DCLK1: variants seen among roughly 807,000 people sequenced by gnomAD.
The protein encoded by DCLK1 is doublecortin like kinase 1.
Under a neutral mutation model 86.2 loss-of-function variants are expected in DCLK1, and 16 were observed. The observed-to-expected ratio is 0.19, with a 90% CI of 0.13 to 0.28. The LOEUF (loss-of-function observed/expected upper bound fraction) is 0.28, where lower values mean the gene tolerates loss of function less well. DCLK1 is among the 10% of genes least tolerant of loss of function. DCLK1 has a pLI of 1.00. For missense variants in DCLK1, 590 were observed against 940.2 expected, an observed-to-expected ratio of 0.63 and a Z score of 4.87; for synonymous variants, 369 against 370.5, an observed-to-expected ratio of 1.00 and a Z score of 0.05.
chr13:35,966,504 C>T (rs1878741555), intron 3 of DCLK1, among the ~76,000 whole-genome samples: 1 of 127,028 alleles, frequency 7.9e-6, no homozygotes, highest in Admixed American at 8.2e-5. Flanking sequence ...CCCTCCCCCT[C>T]CCCCTCCCCC....
At chr13:35,922,409 G>A (rs1333153272) in intron 4 of DCLK1, among the ~76,000 whole-genome samples, 1 of 152,232 alleles carries the variant, frequency 6.6e-6, no homozygotes, top group African/African-American at 2.4e-5. Context: ...TCAGAGCTAC[G>A]CATGCAGCAG....
chr13:35,859,536 G>T (rs1185736969), intron 5 of DCLK1, among the ~76,000 whole-genome samples: 2 of 151,986 alleles, frequency 1.3e-5, no homozygotes, highest in African/African-American at 4.8e-5. Flanking sequence ...CCTTTATTTC[G>T]ACTCAGCTGT....
intron 3 of DCLK1, among the ~76,000 whole-genome samples, chr13:36,086,614 C>T (rs1232830025): frequency 2.0e-5 from 3 of 151,984 alleles, no homozygotes; most frequent in Non-Finnish European, 4.4e-5. Flanking sequence ...TAATGCTCTC[C>T]CTCCCCTCGC....
intron 16 of DCLK1, among the ~76,000 whole-genome samples, chr13:35,790,226 C>A (rs2086688615): frequency 6.6e-6 from 1 of 152,162 alleles, no homozygotes; most frequent in South Asian, 2.1e-4. Flanking sequence ...AACATGAGTA[C>A]ATGTTAAACT....
chr13:35,921,352 C>T (rs374422348), intron 4 of DCLK1, among the ~76,000 whole-genome samples: 5 of 152,192 alleles, frequency 3.3e-5, no homozygotes, highest in East Asian at 1.9e-4. Context: ...CCCACCTGCC[C>T]GGCCACAACA....
intron 6 of DCLK1, chr13:35,850,553 G>T (rs761646932): frequency 3.9e-5 from 49 of 1,262,418 alleles, no homozygotes; most frequent in Non-Finnish European, 4.9e-5. Flanking sequence ...TTTCAAGGTT[G>T]AACATCACGA....
intron 3 of DCLK1, among the ~76,000 whole-genome samples, chr13:36,073,877 G>A (rs1219790688): frequency 1.3e-5 from 2 of 152,120 alleles, no homozygotes; most frequent in Non-Finnish European, 2.9e-5. Context: ...GAATTACTAT[G>A]CCTAAAAGCT....
At chr13:36,076,459 G>A (rs140812811) in intron 3 of DCLK1, among the ~76,000 whole-genome samples, 47 of 152,312 alleles carry the variant, frequency 3.1e-4, no homozygotes, top group African/African-American at 1.1e-3. Context: ...GTCATTTGCT[G>A]AATTCCTGAA....
chr13:36,118,839 C>G (rs1593907450), intron 2 of DCLK1, among the ~76,000 whole-genome samples: 1 of 152,168 alleles, frequency 6.6e-6, no homozygotes, highest in Admixed American at 6.5e-5. Context: ...AAGACACCAG[C>G]AGATTTAGTG....
intron 3 of DCLK1, among the ~76,000 whole-genome samples, chr13:36,000,973 A>G (rs952845114): frequency 1.3e-5 from 2 of 149,236 alleles, no homozygotes; most frequent in Non-Finnish European, 3.0e-5. Context: ...TTTGAGACAG[A>G]GTTTCACTTT....
chr13:35,839,260 G>A, intron 6 of DCLK1, 84 bp from the exon 7 acceptor site: 1 of 1,269,106 alleles, frequency 7.9e-7, no homozygotes. Context: ...CGGAATCTCA[G>A]GAGAAAACTT....
intron 3 of DCLK1, among the ~76,000 whole-genome samples, chr13:36,044,847 G>T (rs1882821020): frequency 6.6e-6 from 1 of 151,928 alleles, no homozygotes; most frequent in African/African-American, 2.4e-5. Context: ...AAACGTGGAG[G>T]TAAATACCCA....
intron 3 of DCLK1, among the ~76,000 whole-genome samples, chr13:35,952,933 G>A (rs1877783775): frequency 6.6e-6 from 1 of 152,156 alleles, no homozygotes. Context: ...CCTGGGTTCT[G>A]AGCCCATATT....
intron 3 of DCLK1, among the ~76,000 whole-genome samples, chr13:36,001,695 G>C (rs552011939): frequency 6.6e-6 from 1 of 152,298 alleles, no homozygotes; most frequent in African/African-American, 2.4e-5. Context: ...GGTACCACAA[G>C]ATAAAAAATG....
intron 3 of DCLK1, among the ~76,000 whole-genome samples, chr13:36,006,192 T>C (rs182331903): frequency 6.6e-6 from 1 of 152,092 alleles, no homozygotes; most frequent in Non-Finnish European, 1.5e-5. Flanking sequence ...AAAGAAAGTT[T>C]GGATTACATA....
intron 4 of DCLK1, among the ~76,000 whole-genome samples, chr13:35,915,292 G>A (rs1432256280): frequency 1.3e-5 from 2 of 152,216 alleles, no homozygotes; most frequent in Non-Finnish European, 1.5e-5. Context: ...GGTAGTAAGT[G>A]TTGTAACACG....
At chr13:36,082,789 G>C (rs9546307) in intron 3 of DCLK1, among the ~76,000 whole-genome samples, 9 of 152,066 alleles carry the variant, frequency 5.9e-5, no homozygotes, top group African/African-American at 1.9e-4. Flanking sequence ...CACTGGATTA[G>C]ACAAAAACCT....
intron 8 of DCLK1, among the ~76,000 whole-genome samples, chr13:35,833,911 G>A (rs1869158851): frequency 6.6e-6 from 1 of 152,214 alleles, no homozygotes; most frequent in African/African-American, 2.4e-5. Flanking sequence ...TTCATACAGT[G>A]AGACCCAAGA....
At chr13:35,818,129 A>G (rs923507596) in intron 11 of DCLK1, among the ~76,000 whole-genome samples, 1 of 152,082 alleles carries the variant, frequency 6.6e-6, no homozygotes, top group Non-Finnish European at 1.5e-5. Flanking sequence ...GTAACCTCCA[A>G]TCCATTAGTC....
Sources: gnomAD v4.1 joint callset for allele counts (sites outside exome capture counted in the v4.1 genomes callset) on GRCh38, gnomAD v4.1.1 for gene constraint, MANE v1.5 for transcripts, NCBI Gene and HGNC (gene_info 2026-07-23, HGNC 2026-07-21) for gene names.